Variants in AUTS2 observed in about 807,000 individuals in gnomAD.
AUTS2 encodes activator of transcription and developmental regulator AUTS2.
AUTS2 carries 17 observed loss-of-function variants against 112.4 expected under a neutral mutation model. That is an observed-to-expected ratio of 0.15 (90% CI 0.10 to 0.23). AUTS2 has a LOEUF of 0.23. Ranked by LOEUF, AUTS2 falls within the 10% of genes least tolerant of loss-of-function variation. The pLI, the probability that AUTS2 is intolerant of heterozygous loss-of-function variation, is 1.00. For synonymous variants in AUTS2, 751 were observed against 702.7 expected (o/e 1.07, Z -1.09); for missense variants, 1,510 against 1,701.6 (o/e 0.89, Z 1.98).
intron 2 of AUTS2, among the ~76,000 whole-genome samples, chr7:70,014,053 C>T (rs948345862): frequency 2.0e-5 from 3 of 152,160 alleles, no homozygotes; most frequent in African/African-American, 7.2e-5. Flanking sequence ...TTTTCTTTCC[C>T]TGTAAACACA....
At chr7:70,640,627 C>G (rs752480872) in intron 5 of AUTS2, among the ~76,000 whole-genome samples, 2 of 151,790 alleles carry the variant, frequency 1.3e-5, no homozygotes, top group Non-Finnish European at 2.9e-5. Context: ...GACACAGGGG[C>G]TTTCATTGAT....
In AUTS2 at chr7:70,413,410, TGG is replaced by T. The variant is rs1467215090; in HGVS notation, c.661-22340_661-22339del. On this transcript the variant is annotated intron_variant, in intron 4 of 18. Transcript: ENST00000342771. ...AGCAATCCAGCCTGTTTTAGGGACC[TGG>T]GTGAAAAGTCCTGGGGAGTCAGAAG... Among the ~76,000 whole-genome samples, 3 of 152,298 alleles carry T rather than the reference TGG, an allele frequency of 2.0e-5. No individual in the cohort carries two copies. In the South Asian group the frequency reaches 6.2e-4, roughly 32 times the overall value.
chr7:70,735,294 G>A (rs1219358625), intron 6 of AUTS2, among the ~76,000 whole-genome samples: 2 of 152,152 alleles, frequency 1.3e-5, no homozygotes, highest in Non-Finnish European at 2.9e-5. Context: ...AAATGAAATC[G>A]ACTTGTGAAA....
intron 4 of AUTS2, among the ~76,000 whole-genome samples, chr7:70,287,502 T>C (rs1055617177): frequency 6.6e-6 from 1 of 152,140 alleles, no homozygotes; most frequent in African/African-American, 2.4e-5. Flanking sequence ...CTAATGAAAT[T>C]AAATAAAGAT....
At chr7:70,439,538 C>CAAAAAA (rs71077657) in intron 5 of AUTS2, among the ~76,000 whole-genome samples, 3 of 73,268 alleles carry the variant, frequency 4.1e-5, no homozygotes, top group African/African-American at 6.0e-5. Context: ...GACTCCATCT[C>CAAAAAA]AAAAAAAAAA....
At chr7:69,943,138 A>T (rs184352757) in intron 2 of AUTS2, among the ~76,000 whole-genome samples, 2 of 152,342 alleles carry the variant, frequency 1.3e-5, no homozygotes, top group African/African-American at 4.8e-5. Flanking sequence ...ATGCATATTC[A>T]TGAGCTTTAA....
At chr7:70,714,553 C>T (rs1454036910) in intron 6 of AUTS2, among the ~76,000 whole-genome samples, 8 of 152,222 alleles carry the variant, frequency 5.3e-5, no homozygotes, top group Non-Finnish European at 1.5e-5. Context: ...TTTACGTGAT[C>T]TGTGCACATC....
intron 4 of AUTS2, among the ~76,000 whole-genome samples, chr7:70,255,856 T>A (rs1786839226): frequency 6.6e-6 from 1 of 152,218 alleles, no homozygotes; most frequent in East Asian, 1.9e-4. Context: ...TTATATGCAC[T>A]AAAACAGAGT....
chr7:70,573,384 C>T (rs1037370741), intron 5 of AUTS2, among the ~76,000 whole-genome samples: 17 of 152,218 alleles, frequency 1.1e-4, no homozygotes, highest in African/African-American at 3.9e-4. Context: ...AAAGGCACCA[C>T]GCTGTTTTCT....
chr7:70,559,393 G>C (rs991218204), intron 5 of AUTS2, among the ~76,000 whole-genome samples: 4 of 150,970 alleles, frequency 2.6e-5, no homozygotes, highest in Non-Finnish European at 5.9e-5. Context: ...GGAGTGCAGT[G>C]GTGTGACCTC....
At position 69,925,143 on chromosome 7, in the gene AUTS2, C is replaced by G. The variant is rs908333343; in HGVS notation, c.522+25645C>G. On this transcript the variant is annotated intron_variant, in intron 2 of 18. Coordinates refer to ENST00000342771, the MANE Select transcript of AUTS2 (RefSeq NM_015570.4). ...CAATTCTATATCTGTTGATAGCCTCCTTTCCTCCCCTCTTCTCTCTCTGTC... is the reference window on the plus strand; with the variant it reads ...CAATTCTATATCTGTTGATAGCCTCGTTTCCTCCCCTCTTCTCTCTCTGTC... 5.3e-5 allele frequency among the ~76,000 whole-genome samples: 8 copies of G among 152,134 alleles called. No individual in the cohort carries two copies. In the East Asian group the frequency reaches 1.5e-3, roughly 29 times the overall value.
At chr7:69,705,128 C>G (rs1798005384) in intron 1 of AUTS2, among the ~76,000 whole-genome samples, 2 of 152,162 alleles carry the variant, frequency 1.3e-5, no homozygotes, top group South Asian at 4.1e-4. Context: ...CGGCCTCCCA[C>G]AGTGTTGGGA....
chr7:70,004,285 T>C (rs1226113226), intron 2 of AUTS2, among the ~76,000 whole-genome samples: 1 of 133,054 alleles, frequency 7.5e-6, no homozygotes, highest in Non-Finnish European at 1.6e-5. Flanking sequence ...GAATGTGTTA[T>C]ATATGAATAT....
intron 1 of AUTS2, among the ~76,000 whole-genome samples, chr7:69,675,754 G>A (rs1796535422): frequency 6.6e-6 from 1 of 152,004 alleles, no homozygotes; most frequent in African/African-American, 2.4e-5. Context: ...TGGTCCTCCT[G>A]TCTTGGCCTC....
At chr7:70,622,378 T>A (rs1293380218) in intron 5 of AUTS2, among the ~76,000 whole-genome samples, 1 of 152,178 alleles carries the variant, frequency 6.6e-6, no homozygotes, top group Non-Finnish European at 1.5e-5. Flanking sequence ...GTCAGTGCTC[T>A]GGATGTTCTT....
intron 5 of AUTS2, among the ~76,000 whole-genome samples, chr7:70,667,123 A>C (rs1379268971): frequency 3.9e-5 from 6 of 152,224 alleles, no homozygotes. Flanking sequence ...TCAAAGGATT[A>C]AAAGCTCATG....
At chr7:69,952,106 CT>C (rs924707342) in intron 2 of AUTS2, among the ~76,000 whole-genome samples, 1 of 151,704 alleles carries the variant, frequency 6.6e-6, no homozygotes. Flanking sequence ...GGATTGAACC[CT>C]TTTTTTTGTA....
chr7:70,718,642 G>A (rs185974812), intron 6 of AUTS2, among the ~76,000 whole-genome samples: 6 of 152,130 alleles, frequency 3.9e-5, no homozygotes, highest in Admixed American at 1.3e-4. Flanking sequence ...CAGCCTGGGC[G>A]ACAGGGTAAG....
chr7:70,168,692 A>G (rs1808513228), intron 4 of AUTS2, among the ~76,000 whole-genome samples: 1 of 152,244 alleles, frequency 6.6e-6, no homozygotes, highest in African/African-American at 2.4e-5. Flanking sequence ...CAGTAAGAGT[A>G]TGAATTCTCG....
Sources: gnomAD v4.1 joint callset for allele counts (sites outside exome capture counted in the v4.1 genomes callset) on GRCh38, gnomAD v4.1.1 for gene constraint, MANE v1.5 for transcripts, NCBI Gene and HGNC (gene_info 2026-07-23, HGNC 2026-07-21) for gene names.